TBC1D12: variants seen among roughly 807,000 people sequenced by gnomAD.
TBC1D12 encodes TBC1 domain family, member 12.
Under a neutral mutation model 86.7 loss-of-function variants are expected in TBC1D12, and 56 were observed. The ratio of observed to expected loss-of-function variants is 0.65; its 90% CI spans 0.52 to 0.81. The LOEUF (loss-of-function observed/expected upper bound fraction) is 0.81, where lower values mean the gene tolerates loss of function less well. Among genes scored for constraint, TBC1D12 ranks in the 30% least tolerant of loss-of-function variants. TBC1D12 has a pLI of 0.00. For missense variants in TBC1D12, 1,023 were observed against 1,038.8 expected (o/e 0.98, Z 0.21); for synonymous variants, 421 against 411.7 (o/e 1.02, Z -0.27).
intron 2 of TBC1D12, among the ~76,000 whole-genome samples, chr10:94,472,004 T>TG (rs1026072498): frequency 1.3e-5 from 2 of 152,240 alleles, no homozygotes; most frequent in Non-Finnish European, 2.9e-5. Flanking sequence ...ATATTCTGTC[T>TG]GGGGGTCTCC....
chr10:94,473,198 C>CAA (rs529280932), intron 2 of TBC1D12, among the ~76,000 whole-genome samples: 142 of 133,030 alleles, frequency 1.1e-3, no homozygotes, highest in African/African-American at 3.5e-3. Context: ...ACTAAAAATA[C>CAA]AAAAAAAAAA....
At chr10:94,515,382 T>C (rs1240554763) in intron 9 of TBC1D12, among the ~76,000 whole-genome samples, 1 of 150,304 alleles carries the variant, frequency 6.7e-6, no homozygotes, top group Non-Finnish European at 1.5e-5. Context: ...GGTTTCGCTC[T>C]TGTTGCCCAG....
At chr10:94,517,729 A>G (rs1481205786) in intron 9 of TBC1D12, among the ~76,000 whole-genome samples, 1 of 152,248 alleles carries the variant, frequency 6.6e-6, no homozygotes, top group African/African-American at 2.4e-5. Flanking sequence ...TGATTTGACA[A>G]AATACGTTTT....
rs1401401424 is a variant in TBC1D12 at position 94,438,322 on chromosome 10, T to A, written c.972-3574T>A. Among the ~76,000 whole-genome samples the A allele has an allele frequency of 2.0e-5, 3 of 152,214 alleles. No homozygotes were observed. In the East Asian group the frequency reaches 5.8e-4, roughly 29 times the overall value. ...ATTGTGTATGGTCACAAGTTTTTGT[T>A]CTGTTGTCTCTGTGGCTAGCTGGTG... On this transcript the variant is annotated intron_variant, in intron 1 of 12. Coordinates refer to ENST00000225235, the MANE Select transcript of TBC1D12 (RefSeq NM_015188.2).
intron 1 of TBC1D12, among the ~76,000 whole-genome samples, chr10:94,436,588 A>G (rs1035704021): frequency 1.3e-5 from 2 of 152,028 alleles, no homozygotes; most frequent in African/African-American, 4.8e-5. Flanking sequence ...AATGTGAACT[A>G]TCTTTCTATT....
At position 94,531,283 on chromosome 10, in the gene TBC1D12, A is replaced by G. The variant is rs1256037401; in HGVS notation, c.2082A>G (p.Glu694=). 1.2e-6 allele frequency: 2 copies of G among 1,614,066 alleles called. No homozygotes were observed. Among genetic ancestry groups the G allele is most frequent in the Admixed American group, 1.7e-5 (1 of 60,014 alleles). Residue 694 remains glutamate (E), a synonymous_variant, in exon 12 of 13, where the codon GAA becomes GAG. Transcript: ENST00000225235. ...ATGTATTTTGCAGAGATGGGGAAGAATTTTTATTTAGGACTGGATTAGGAA... is the reference window on the plus strand; with the variant it reads ...ATGTATTTTGCAGAGATGGGGAAGAGTTTTTATTTAGGACTGGATTAGGAA... ...VWDVFCRDGE[E]FLFRTGLGIL... is the part of the protein sequence containing the mutation.
Position 94,403,674 on chromosome 10 carries a change from C to T in TBC1D12, c.971+90C>T, listed in dbSNP as rs1239196669. The T allele has an allele frequency of 5.8e-6, 8 of 1,383,228 alleles. No individual in the cohort carries two copies. The Admixed American group carries it at 1.8e-4, about 32-fold the overall frequency. 85.7% of individuals were successfully genotyped at this position (1,383,228 alleles called of 1,614,324 possible). A position where few individuals can be genotyped will look rare whatever the true frequency, so the allele number is the denominator to read the frequency against. ...TGGGAGTCGGAGCCGGAGCCGGAGC[C>T]GGAGCGGAGAGCTTGGTCGGCCGCT... is the stretch of plus-strand genomic sequence containing the variant. On this transcript the variant is annotated intron_variant, in intron 1 of 12. Coordinates refer to ENST00000225235, the MANE Select transcript of TBC1D12 (RefSeq NM_015188.2).
At chr10:94,447,647 G>A (rs1016804808) in intron 2 of TBC1D12, 58 of 984,656 alleles carry the variant, frequency 5.9e-5, no homozygotes, top group Middle Eastern at 1.0e-3. Context: ...GTGAAATTCC[G>A]CTTGTGGCCT....
At chr10:94,510,711 C>G (rs1017814314) in intron 8 of TBC1D12, among the ~76,000 whole-genome samples, 2 of 151,970 alleles carry the variant, frequency 1.3e-5, no homozygotes, top group Admixed American at 1.3e-4. Context: ...CTGTGTTGCC[C>G]AGGCTGGACT....
intron 2 of TBC1D12, 122 bp downstream of exon 2, chr10:94,442,141 C>T: frequency 1.8e-6 from 2 of 1,125,974 alleles, no homozygotes; most frequent in Non-Finnish European, 2.4e-6. Flanking sequence ...TTTCTAGATA[C>T]AGACTTTTGG....
chr10:94,402,674 C>A lies in TBC1D12; in HGVS notation c.61C>A (p.Pro21Thr). 4 of 1,608,536 alleles carry A rather than the reference C, an allele frequency of 2.5e-6. No homozygotes were observed. In the South Asian group the frequency reaches 4.4e-5, roughly 18 times the overall value. Residue 21 changes from proline (P) to threonine (T), a missense_variant, in exon 1 of 13, where the codon CCT becomes ACT. Around this residue, in one of 2 missense-constraint regions of TBC1D12, gnomAD observed 628 missense variants for 531.1 expected, o/e 1.18. Coordinates refer to ENST00000225235, the MANE Select transcript of TBC1D12 (RefSeq NM_015188.2). Reference sequence around the variant, plus strand: ...AAGAAACCCCAAGTTGCTCCCGGTGCCTGCGCCGGACCCCGTGGGCCAGGA... The same window carrying A: ...AAGAAACCCCAAGTTGCTCCCGGTGACTGCGCCGGACCCCGTGGGCCAGGA... ...SGRNPKLLPV[P>T]APDPVGQDRK...
chr10:94,515,326 A>G (rs557258117), intron 9 of TBC1D12, among the ~76,000 whole-genome samples: 3 of 151,684 alleles, frequency 2.0e-5, no homozygotes, highest in Non-Finnish European at 2.9e-5. Context: ...AGTGGAATAT[A>G]TAGGTTTGGT....
Position 94,402,597 on chromosome 10 carries a change from C to T in TBC1D12, c.-17C>T. The T allele has an allele frequency of 5.0e-6, 8 of 1,608,848 alleles. No individual in the cohort carries two copies. Among genetic ancestry groups the T allele is most frequent in the Non-Finnish European group, 6.8e-6 (8 of 1,177,818 alleles). On this transcript the variant is annotated 5_prime_UTR_variant, in exon 1 of 13. Coordinates refer to ENST00000225235, the MANE Select transcript of TBC1D12 (RefSeq NM_015188.2). ...AGTCCTTCTTTGCCTCCTGGGGCGG[C>T]CGCCACCCACCCCCAGATGGTGGGT...
chr10:94,411,210 C>A (rs2054923317), intron 1 of TBC1D12, among the ~76,000 whole-genome samples: 1 of 152,138 alleles, frequency 6.6e-6, no homozygotes, highest in Non-Finnish European at 1.5e-5. Context: ...ATCAGCTCTT[C>A]TTTCTTTTCT....
chr10:94,406,855 T>G (rs1166387992), intron 1 of TBC1D12, among the ~76,000 whole-genome samples: 1 of 152,212 alleles, frequency 6.6e-6, no homozygotes, highest in Non-Finnish European at 1.5e-5. Context: ...GAAGGTAATT[T>G]AGTTAGCTAG....
intron 1 of TBC1D12, among the ~76,000 whole-genome samples, chr10:94,407,199 T>A (rs2054866197): frequency 6.6e-6 from 1 of 152,244 alleles, no homozygotes; most frequent in Non-Finnish European, 1.5e-5. Flanking sequence ...ATATGACTGC[T>A]TTCATTTGGA....
chr10:94,528,005 C>CT (rs1842339054), intron 11 of TBC1D12, among the ~76,000 whole-genome samples: 1 of 151,586 alleles, frequency 6.6e-6, no homozygotes, highest in South Asian at 2.1e-4. Flanking sequence ...ATCTGGTAGT[C>CT]TAATGCCTCC....
chr10:94,413,819 A>G (rs1314926812), intron 1 of TBC1D12, among the ~76,000 whole-genome samples: 3 of 151,886 alleles, frequency 2.0e-5, no homozygotes, highest in Non-Finnish European at 2.9e-5. Context: ...CTAACCCCAC[A>G]TAGATTAAAA....
chr10:94,410,554 G>T (rs1466191806), intron 1 of TBC1D12, among the ~76,000 whole-genome samples: 2 of 151,362 alleles, frequency 1.3e-5, no homozygotes, highest in Non-Finnish European at 1.5e-5. Flanking sequence ...GTTTTTTTTT[G>T]GTTGTTGTTC....
Sources: allele counts gnomAD v4.1 joint callset (sites outside exome capture counted in the v4.1 genomes callset), GRCh38; gene constraint gnomAD v4.1.1; regional missense constraint gnomAD v4.1.1; transcripts MANE v1.5; gene names NCBI Gene and HGNC (gene_info 2026-07-23, HGNC 2026-07-21).